The following INSYN2B variants were observed in gnomAD, a reference collection of about 807,000 sequenced individuals.
INSYN2B encodes the protein inhibitory synaptic factor family member 2B.
A neutral mutation model predicts 41.2 loss-of-function variants in INSYN2B; 16 were observed. The ratio of observed to expected loss-of-function variants is 0.39; its 90% CI spans 0.26 to 0.59. The LOEUF is 0.59. INSYN2B is among the 20% of genes least tolerant of loss of function. INSYN2B has a pLI of 0.57. For missense variants in INSYN2B, 608 were observed against 646.4 expected, an observed-to-expected ratio of 0.94 and a Z score of 0.64; for synonymous variants, 245 against 244.4, an observed-to-expected ratio of 1.00 and a Z score of -0.02.
chr5:169,877,367 C>A (rs1053357124), intron 3 of INSYN2B, among the ~76,000 whole-genome samples: 2 of 152,242 alleles, frequency 1.3e-5, no homozygotes, highest in South Asian at 4.2e-4. Context: ...GGTCAATTCA[C>A]GTTCAAGTGA....
chr5:169,920,069 T>C (rs1393486726), intron 1 of INSYN2B, among the ~76,000 whole-genome samples: 1 of 152,220 alleles, frequency 6.6e-6, no homozygotes, highest in Non-Finnish European at 1.5e-5. Context: ...CTTTGTGAGA[T>C]AATGATTTTA....
Position 169,882,716 on chromosome 5 carries a change from C to T in INSYN2B, c.1183G>A (p.Glu395Lys). The change falls in exon 2 of 4, where the codon GAG becomes AAG. Residue 395 changes from glutamate (E) to lysine (K), a missense_variant. Glu to Lys is a moderately conservative substitution (Grantham distance 56, BLOSUM62 1). Transcript: ENST00000377365. The part of the protein sequence containing the change: ...RSETKLQSNR[E>K]ISDINQIHLA... ...TGAATTTGATTAATGTCACTAATCT[C>T]CCTGTTGCTCTGAAGTTTGGTCTCA... 2 of 1,552,014 alleles carry T rather than the reference C, an allele frequency of 1.3e-6. No individual in the cohort carries two copies. The highest frequency in any genetic ancestry group is 1.7e-6 in the Non-Finnish European group (2 of 1,147,018).
intron 1 of INSYN2B, among the ~76,000 whole-genome samples, chr5:169,970,125 A>G (rs1430973161): frequency 1.3e-5 from 2 of 152,198 alleles, no homozygotes; most frequent in Non-Finnish European, 2.9e-5. Context: ...GATGATTTTC[A>G]TTATGCAGAG....
At chr5:169,953,237 G>A (rs1354799853) in intron 1 of INSYN2B, among the ~76,000 whole-genome samples, 1 of 151,836 alleles carries the variant, frequency 6.6e-6, no homozygotes, top group Non-Finnish European at 1.5e-5. Context: ...GGAGGCTGAG[G>A]CAGGAGAATC....
chr5:169,878,951 C>A (rs540597367), intron 3 of INSYN2B, among the ~76,000 whole-genome samples: 1 of 152,088 alleles, frequency 6.6e-6, no homozygotes, highest in Non-Finnish European at 1.5e-5. Flanking sequence ...GGTCTGTGCT[C>A]TTGGTGAGAT....
intron 1 of INSYN2B, among the ~76,000 whole-genome samples, chr5:169,915,615 GGAGA>G (rs1190622602): frequency 4.6e-5 from 7 of 150,720 alleles, no homozygotes; most frequent in African/African-American, 1.5e-4. Flanking sequence ...GGGAGGGAGG[GGAGA>G]GAGAGAGACA....
chr5:169,976,294 T>G (rs1211957801), intron 1 of INSYN2B, among the ~76,000 whole-genome samples: 3 of 152,186 alleles, frequency 2.0e-5, no homozygotes, highest in Non-Finnish European at 4.4e-5. Flanking sequence ...AGGCCTAAAT[T>G]TTAGGTCCTA....
chr5:169,883,663 T>C lies in INSYN2B; in HGVS notation c.236A>G (p.Tyr79Cys). 6.4e-7 allele frequency: 1 copy of C among 1,550,778 alleles called. No individual in the cohort carries two copies. The highest frequency in any genetic ancestry group is 8.7e-7 in the Non-Finnish European group (1 of 1,146,566). ...QATRHHLPPT[Y>C]SLSFPRSQKA... ...CTGGGACCTGGGGAAGGAGAGCGAG[T>C]AGGTGGGGGGAAGATGGTGCCTGGT... Residue 79 changes from tyrosine to cysteine, a missense_variant, in exon 2 of 4, where the codon TAC becomes TGC. Physicochemically the swap from Tyr to Cys is radical, Grantham distance 194 (BLOSUM62 -2). Coordinates refer to ENST00000377365, the MANE Select transcript of INSYN2B (RefSeq NM_001129891.3).
intron 1 of INSYN2B, among the ~76,000 whole-genome samples, chr5:169,927,892 A>G (rs1297251238): frequency 6.6e-6 from 1 of 152,190 alleles, no homozygotes; most frequent in African/African-American, 2.4e-5. Flanking sequence ...CTGGGATTAC[A>G]GGCATGAGAC....
chr5:169,930,184 G>T (rs137960442), intron 1 of INSYN2B, among the ~76,000 whole-genome samples: 1 of 152,074 alleles, frequency 6.6e-6, no homozygotes, highest in African/African-American at 2.4e-5. Flanking sequence ...AGAGATGGGG[G>T]TTTCACCATG....
intron 1 of INSYN2B, among the ~76,000 whole-genome samples, chr5:169,948,060 T>C (rs1776515694): frequency 6.6e-6 from 1 of 152,142 alleles, no homozygotes; most frequent in African/African-American, 2.4e-5. Flanking sequence ...AGAGAGCTCA[T>C]CTTGTAAGGC....
chr5:169,886,003 A>G (rs1772949294), intron 1 of INSYN2B, among the ~76,000 whole-genome samples: 1 of 151,948 alleles, frequency 6.6e-6, no homozygotes. Flanking sequence ...TGCATTCTTA[A>G]CTATGAAGTT....
chr5:169,896,582 AG>A (rs1773623859), intron 1 of INSYN2B, among the ~76,000 whole-genome samples: 1 of 152,242 alleles, frequency 6.6e-6, no homozygotes, highest in African/African-American at 2.4e-5. Context: ...CTTTCAGAAA[AG>A]CGCCTGTCAG....
chr5:169,943,630 G>C (rs1329325260), intron 1 of INSYN2B, among the ~76,000 whole-genome samples: 1 of 152,100 alleles, frequency 6.6e-6, no homozygotes, highest in African/African-American at 2.4e-5. Flanking sequence ...TATCTGCCTG[G>C]CCTCATCAGG....
intron 1 of INSYN2B, among the ~76,000 whole-genome samples, chr5:169,957,004 G>A (rs1279192177): frequency 6.6e-6 from 1 of 151,854 alleles, no homozygotes; most frequent in African/African-American, 2.4e-5. Flanking sequence ...CAATACAATG[G>A]TATCATTGTT....
At chr5:169,952,007 G>T (rs1182092) in intron 1 of INSYN2B, among the ~76,000 whole-genome samples, 7,891 of 152,238 alleles carry the variant, frequency 0.052, 445 homozygotes, top group African/African-American at 0.14. Context: ...TGTTGGTGCT[G>T]ATGGTTAAAT....
At chr5:169,903,544 G>A (rs1052690207) in intron 1 of INSYN2B, among the ~76,000 whole-genome samples, 6 of 150,690 alleles carry the variant, frequency 4.0e-5, no homozygotes, top group African/African-American at 9.8e-5. Context: ...GGCAGGGGGC[G>A]TTCGGGTGGG....
intron 1 of INSYN2B, among the ~76,000 whole-genome samples, chr5:169,952,227 C>T (rs1389924943): frequency 2.6e-5 from 4 of 152,174 alleles, no homozygotes; most frequent in Admixed American, 2.6e-4. Context: ...TTTTTGCATG[C>T]AGCACTGGGA....
In INSYN2B at chr5:169,882,522, C is replaced by A; in HGVS notation, c.1346+31G>T. The A allele has an allele frequency of 2.7e-6, 4 of 1,506,158 alleles. No individual in the cohort carries two copies. The South Asian group carries it at 5.1e-5, about 19-fold the overall frequency. 93.3% of individuals were successfully genotyped at this position (1,506,158 alleles called of 1,614,324 possible). On this transcript the variant is annotated intron_variant, in intron 2 of 3. Coordinates refer to ENST00000377365, the MANE Select transcript of INSYN2B (RefSeq NM_001129891.3). ...GTGTTGGCAAATGACTTCACCCAGT[C>A]ATTTTTAATATGAAAAAAAAATCTC...
Sources: allele counts gnomAD v4.1 joint callset (sites outside exome capture counted in the v4.1 genomes callset), GRCh38; gene constraint gnomAD v4.1.1; transcripts MANE v1.5; gene names NCBI Gene and HGNC (gene_info 2026-07-23, HGNC 2026-07-21).